Variants in HDGF observed in about 807,000 individuals in gnomAD.
The protein encoded by HDGF is hepatoma-derived growth factor.
A neutral mutation model predicts 30.0 loss-of-function variants in HDGF; 5 were observed. The observed-to-expected ratio is 0.17, with a 90% confidence interval of 0.09 to 0.35. The LOEUF is 0.35. HDGF is among the 10% of genes least tolerant of loss of function. The pLI is 1.00. For synonymous variants in HDGF, 133 were observed against 112.7 expected, an observed-to-expected ratio of 1.18 and a Z score of -1.14; for missense variants, 214 against 302.8, an observed-to-expected ratio of 0.71 and a Z score of 2.18.
intron 4 of HDGF, 44 bp from the exon 5 acceptor site, chr1:156,743,922 A>T: frequency 2.1e-6 from 3 of 1,434,150 alleles, no homozygotes; most frequent in Non-Finnish European, 2.9e-6. Context: ...CTGGAGAGGG[A>T]GGCCACCAGC....
chr1:156,766,309 A>G (rs772478070), intron 1 of HDGF, among the ~76,000 whole-genome samples: 5 of 152,002 alleles, frequency 3.3e-5, no homozygotes, highest in Non-Finnish European at 5.9e-5. Flanking sequence ...TCCTCCCAAA[A>G]CCTCAACAGC....
intron 1 of HDGF, among the ~76,000 whole-genome samples, chr1:156,763,652 C>A (rs1651298474): frequency 6.7e-6 from 1 of 149,184 alleles, no homozygotes; most frequent in African/African-American, 2.5e-5. Flanking sequence ...GTGGCGCGAT[C>A]TTGGCTGACT....
At chr1:156,761,939 C>CA (rs112163886) in intron 1 of HDGF, among the ~76,000 whole-genome samples, 110,293 of 128,536 alleles carry the variant, frequency 0.86, 48,152 homozygotes, top group Non-Finnish European at 0.94. Flanking sequence ...GTCTCCATCT[C>CA]AAAAAAAAAA....
rs10718204 is a variant in HDGF, at chr1:156,760,843, C to CT, written n.137-1625dup. 4.7e-3 allele frequency among the ~76,000 whole-genome samples: 678 copies of CT among 144,482 alleles called. 3 individuals are homozygous for CT. The highest frequency in any genetic ancestry group is 6.4e-3 in the South Asian group (29 of 4,566). The allele number at this position is 144,482 out of a possible 152,430, so 94.8% of individuals were successfully genotyped here. On this transcript the variant is annotated intron_variant and non_coding_transcript_variant, in intron 1 of 7. Coordinates refer to the HDGF transcript ENST00000465180. ...CTCTCCTTGCTTTTTCTCCCCCAGC[C>CT]TTTTTTTTTTTTTCTGTATCTTTGA...
At chr1:156,763,240 GTCTC>G (rs892789613) in intron 1 of HDGF, among the ~76,000 whole-genome samples, 3 of 151,344 alleles carry the variant, frequency 2.0e-5, no homozygotes, top group Non-Finnish European at 4.4e-5. Flanking sequence ...TTGAGATGGA[GTCTC>G]TCTCTGTTGC....
intron 1 of HDGF, chr1:156,747,286 T>C (rs796273081): frequency 7.4e-5 from 3 of 40,430 alleles, no homozygotes; most frequent in African/African-American, 1.9e-4. Context: ...TCTCTCCGGA[T>C]TGGGGAGGAA....
At chr1:156,751,825 A>C (rs552065738), upstream of HDGF, 2 of 829,688 alleles carry the variant, frequency 2.4e-6, no homozygotes, top group Admixed American at 6.0e-5. The surrounding 1 kb of genome is among the most constrained non-coding windows in gnomAD (Gnocchi z 4.7). Flanking sequence ...TGATGCGTGC[A>C]GCTTCTTGAC....
intron 2 of HDGF, among the ~76,000 whole-genome samples, chr1:156,758,763 G>A (rs1651196655): frequency 6.6e-6 from 1 of 152,122 alleles, no homozygotes; most frequent in South Asian, 2.1e-4. Flanking sequence ...GGGCGACAGA[G>A]CAAGACTCCC....
chr1:156,762,935 A>C (rs1651276757), intron 1 of HDGF, among the ~76,000 whole-genome samples: 1 of 151,674 alleles, frequency 6.6e-6, no homozygotes, highest in African/African-American at 2.4e-5. Context: ...TTGTAGGGGG[A>C]ATCCCTGGTA....
At chr1:156,751,806 G>C (rs1571556784), upstream of HDGF, 1 of 799,126 alleles carries the variant, frequency 1.3e-6, no homozygotes, top group Non-Finnish European at 1.5e-6. The surrounding 1 kb of genome is among the most constrained non-coding windows in gnomAD (Gnocchi z 4.7). Flanking sequence ...GCTCCCTCCC[G>C]CGGCGGTTTG....
In HDGF at chr1:156,743,642, G is replaced by A. The variant is rs766784435; in HGVS notation, c.716+10C>T. ...AGTCCAGCTGCCAAGGGGTCAGGGG[G>A]CTCACTCACCTCTCATGATCTCTGA... On this transcript the variant is annotated intron_variant, in intron 5 of 5. Coordinates refer to ENST00000357325, the MANE Select transcript of HDGF (RefSeq NM_004494.3). 20 of 1,601,266 alleles carry A rather than the reference G, an allele frequency of 1.2e-5. No homozygotes were observed. The highest frequency in any genetic ancestry group is 1.5e-5 in the Non-Finnish European group (17 of 1,168,504).
At chr1:156,761,670 G>A (rs948555940) in intron 1 of HDGF, among the ~76,000 whole-genome samples, 11 of 150,494 alleles carry the variant, frequency 7.3e-5, no homozygotes, top group South Asian at 2.1e-4. Flanking sequence ...AAAAAAGGCC[G>A]GGCATGGTGG....
chr1:156,747,643 G>C (rs1386983556), intron 1 of HDGF, among the ~76,000 whole-genome samples: 1 of 152,080 alleles, frequency 6.6e-6, no homozygotes, highest in Non-Finnish European at 1.5e-5. Flanking sequence ...CAGAACCAGG[G>C]GTGGGGGTGG....
At chr1:156,757,921 A>G (rs1216478277) in intron 2 of HDGF, among the ~76,000 whole-genome samples, 1 of 152,224 alleles carries the variant, frequency 6.6e-6, no homozygotes, top group Non-Finnish European at 1.5e-5. Context: ...GAACATTTCC[A>G]TCACTGCAGT....
Position 156,745,436 on chromosome 1 carries a change from T to A in HDGF, c.88-63A>T, listed in dbSNP as rs1255444772. The A allele has an allele frequency of 1.4e-5, 20 of 1,385,240 alleles. No homozygotes were observed. The South Asian group carries it at 2.3e-4, about 16-fold the overall frequency. 85.8% of individuals were successfully genotyped at this position (1,385,240 alleles called of 1,614,324 possible). On this transcript the variant is annotated intron_variant, in intron 1 of 5. Transcript: ENST00000357325. ...TGAGGTTTTGAGCCTGAGGCAGGGGTGCTGACCTCCAAGGCACATTTATAT... is the reference window on the plus strand; with the variant it reads ...TGAGGTTTTGAGCCTGAGGCAGGGGAGCTGACCTCCAAGGCACATTTATAT...
intron 1 of HDGF, among the ~76,000 whole-genome samples, chr1:156,749,932 G>C (rs1650849792): frequency 6.6e-6 from 1 of 152,214 alleles, no homozygotes; most frequent in African/African-American, 2.4e-5. Context: ...TGGGTCAAAG[G>C]GTGCAGGGTA....
chr1:156,757,525 G>A (rs1381436757), intron 2 of HDGF, among the ~76,000 whole-genome samples: 1 of 151,318 alleles, frequency 6.6e-6, no homozygotes, highest in African/African-American at 2.4e-5. Context: ...GGGTGTGGTG[G>A]CTCACACCTG....
intron 4 of HDGF, 101 bp downstream of exon 4, chr1:156,744,062 G>T: frequency 1.6e-6 from 2 of 1,266,480 alleles, no homozygotes; most frequent in South Asian, 1.2e-5. Context: ...GGGCTGGATC[G>T]ACCTCTCAGA....
intron 1 of HDGF, among the ~76,000 whole-genome samples, chr1:156,766,507 G>A (rs1396735133): frequency 1.3e-5 from 2 of 152,100 alleles, no homozygotes; most frequent in East Asian, 1.9e-4. Flanking sequence ...AATCACAAGC[G>A]GACAGGGAAG....
Sources: gnomAD v4.1 joint callset for allele counts (sites outside exome capture counted in the v4.1 genomes callset) on GRCh38, gnomAD v4.1.1 for gene constraint, Gnocchi (gnomAD v3.1) non-coding constraint, MANE v1.5 for transcripts, NCBI Gene and HGNC (gene_info 2026-07-23, HGNC 2026-07-21) for gene names.